Variants in PCNT observed in about 807,000 individuals in gnomAD.
PCNT encodes the protein pericentrin, also known as kendrin.
Under a neutral mutation model 380.4 loss-of-function variants are expected in PCNT, and 319 were observed. The observed-to-expected ratio is 0.84, with a 90% CI of 0.77 to 0.92. The LOEUF (loss-of-function observed/expected upper bound fraction) is 0.92, where lower values mean the gene tolerates loss of function less well. Among genes scored for constraint, PCNT ranks in the 40% least tolerant of loss-of-function variants. The probability of loss-of-function intolerance (pLI) is 0.00; values close to 1 mark genes in which losing one functional copy is unlikely to be tolerated. For synonymous variants in PCNT, 1,845 were observed against 1,735.2 expected (o/e 1.06, Z -1.57); for missense variants, 4,400 against 4,255.3 (o/e 1.03, Z -0.95).
chr21:46,353,006 G>A (rs550011510), intron 9 of PCNT, 98 bp from the exon 10 acceptor site: 98 of 983,184 alleles, frequency 1.0e-4, no homozygotes, highest in Admixed American at 2.5e-4. Flanking sequence ...CCTTTTCCGA[G>A]TTCTGCCCCC....
Position 46,363,509 on chromosome 21 carries a change from GA to G in PCNT, c.2186del (p.Lys729ArgfsTer3). ...AACACAATCTAATTGAAGACCACCA[GA>G]AGGAACTAAATAATGCTAAGCAAAA... Reference protein sequence around the residue: ...VKHNLIEDHQKELNNAKQKTE... With the variant: ...VKHNLIEDHQXELNNAKQKTE... On this transcript the variant is annotated frameshift_variant, in exon 14 of 47. Coordinates refer to ENST00000359568, the MANE Select transcript of PCNT (RefSeq NM_006031.6). LOFTEE classifies it high-confidence loss of function. The G allele has an allele frequency of 6.2e-7, 1 of 1,613,806 alleles. No homozygotes were observed. Among genetic ancestry groups the G allele is most frequent in the South Asian group, 1.1e-5 (1 of 91,056 alleles).
Position 46,401,477 on chromosome 21 carries a change from G to A in PCNT, c.4792-74G>A, listed in dbSNP as rs1034453363. On this transcript the variant is annotated intron_variant, in intron 25 of 46. Transcript: ENST00000359568. Reference sequence around the variant, plus strand: ...TCAGGTGCAGCTAAAGATGGTCTGTGCTTTAACAGGCAGCAGTTGAGGTAC... The same window carrying A: ...TCAGGTGCAGCTAAAGATGGTCTGTACTTTAACAGGCAGCAGTTGAGGTAC... The A allele has an allele frequency of 1.8e-5, 22 of 1,203,950 alleles. No individual in the cohort carries two copies. In the East Asian group the frequency reaches 4.9e-4, roughly 27 times the overall value. The allele number at this position is 1,203,950 out of a possible 1,614,324, so 74.6% of individuals were successfully genotyped here. A position where few individuals can be genotyped will look rare whatever the true frequency, so the allele number is the denominator to read the frequency against.
rs2085939397 is a variant in PCNT at position 46,388,997 on chromosome 21, C to T, written c.3607+113C>T. The T allele has an allele frequency of 8.2e-6, 12 of 1,461,360 alleles. No individual in the cohort carries two copies. The Admixed American group carries it at 2.2e-4, about 26-fold the overall frequency. The allele number at this position is 1,461,360 out of a possible 1,614,324, so 90.5% of individuals were successfully genotyped here. On this transcript the variant is annotated intron_variant, in intron 18 of 46. Transcript: ENST00000359568. The surrounding 1 kb of genome is among the most constrained non-coding windows in gnomAD (Gnocchi z 4.2). Reference sequence around the variant, plus strand: ...CGATGCCCTTGGGAGCACTGCCGTCCTGGTTTCCTGCTAGTTTCCGCACTT... The same window carrying T: ...CGATGCCCTTGGGAGCACTGCCGTCTTGGTTTCCTGCTAGTTTCCGCACTT...
At position 46,416,456 on chromosome 21, in the gene PCNT, CAAGAAA is replaced by C. The variant is rs1483521984; in HGVS notation, c.6541_6546del (p.Glu2181_Lys2182del). 6.2e-7 allele frequency: 1 copy of C among 1,614,036 alleles called. No individual in the cohort carries two copies. Among genetic ancestry groups the C allele is most frequent in the Non-Finnish European group, 8.5e-7 (1 of 1,180,016 alleles). On this transcript the variant is annotated inframe_deletion, in exon 30 of 47. Coordinates refer to ENST00000359568, the MANE Select transcript of PCNT (RefSeq NM_006031.6). ...AGATGAAATGCCAGATTCTCCCATT[CAAGAAA>C]AATCAGAATGTCAGGACATGTCTCT...
At position 46,431,533 on chromosome 21, in the gene PCNT, T is replaced by C; in HGVS notation, c.8069T>C (p.Leu2690Pro). The C allele has an allele frequency of 6.2e-7, 1 of 1,614,048 alleles. No individual in the cohort carries two copies. Among genetic ancestry groups the C allele is most frequent in the South Asian group, 1.1e-5 (1 of 91,086 alleles). The change falls in exon 38 of 47, where the codon CTG becomes CCG. Residue 2690 changes from leucine (L) to proline (P), a missense_variant. Leu to Pro is a moderately conservative substitution (Grantham distance 98, BLOSUM62 -3). Coordinates refer to ENST00000359568, the MANE Select transcript of PCNT (RefSeq NM_006031.6). The stretch of plus-strand genomic sequence containing the variant: ...TCGTATGTGTTTGCTGTCTAGGAGC[T>C]GCGGGCGTCTTTGGAGACACAGCGT... ...ESQSAKALEE[L>P]RASLETQRAQ...
chr21:46,412,799 T>C, intron 28 of PCNT, 38 bp from the exon 29 acceptor site: 2 of 1,605,372 alleles, frequency 1.2e-6, no homozygotes, highest in South Asian at 2.2e-5. Flanking sequence ...AGCAACAGCC[T>C]CCTGCATGCT....
rs148466753 is a variant in PCNT, at chr21:46,390,115, C to T, written c.3841-555C>T. ...CGTGGACGGCCTCATGGAGATGGCC[C>T]TGGACTCCAGCAGCCAGCCTGGGCA... On this transcript the variant is annotated intron_variant, in intron 19 of 46. Transcript: ENST00000359568. Among the ~76,000 whole-genome samples, 1,380 of 152,368 alleles carry T rather than the reference C, an allele frequency of 9.1e-3. 5 individuals are homozygous for T. The highest frequency in any genetic ancestry group is 0.015 in the Non-Finnish European group (1,045 of 68,032).
At chr21:46,371,734 C>G (rs1282665816) in intron 15 of PCNT, among the ~76,000 whole-genome samples, 1 of 152,232 alleles carries the variant, frequency 6.6e-6, no homozygotes, top group South Asian at 2.1e-4. Context: ...TGCACCTGCC[C>G]CATCCAGGCG....
chr21:46,362,763 C>T (rs1393793014), intron 13 of PCNT, among the ~76,000 whole-genome samples: 1 of 151,752 alleles, frequency 6.6e-6, no homozygotes, highest in African/African-American at 2.4e-5. Flanking sequence ...GGGCAACATG[C>T]AGAACCCTGT....
Position 46,425,307 on chromosome 21 carries a change from T to C in PCNT, c.7180-524T>C, listed in dbSNP as rs1440876943. Among the ~76,000 whole-genome samples, 1 of 152,186 alleles carries C rather than the reference T, an allele frequency of 6.6e-6. No individual in the cohort carries two copies. The highest frequency in any genetic ancestry group is 2.4e-5 in the African/African-American group (1 of 41,452). ...TGTGGGCAGGGCCTGCTGGGGATGG[T>C]TTTCTCTGCTCCCCGTGCCCAGCAC... On this transcript the variant is annotated intron_variant, in intron 32 of 46. Transcript: ENST00000359568. The surrounding 1 kb of genome is among the most constrained non-coding windows in gnomAD (Gnocchi z 4.2).
In PCNT at chr21:46,397,296, A is replaced by G. The variant is rs772298892; in HGVS notation, c.4248A>G (p.Lys1416=). The G allele has an allele frequency of 6.8e-6, 11 of 1,614,150 alleles. No homozygotes were observed. The East Asian group carries it at 2.2e-4, about 33-fold the overall frequency. Reference sequence around the variant, plus strand: ...GGAAGGAAGTGGAGGATCTGACCAAAGAACAGTCGGAGACCAGGAAGCAGG... The same window carrying G: ...GGAAGGAAGTGGAGGATCTGACCAAGGAACAGTCGGAGACCAGGAAGCAGG... The part of the protein sequence containing the change: ...ALRKEVEDLT[K]EQSETRKQAE... Residue 1416 remains lysine (K), a synonymous_variant, in exon 22 of 47, where the codon AAA becomes AAG. Coordinates refer to ENST00000359568, the MANE Select transcript of PCNT (RefSeq NM_006031.6).
At chr21:46,326,654 A>C in intron 2 of PCNT, 65 bp downstream of exon 2, 1 of 1,501,134 alleles carries the variant, frequency 6.7e-7, no homozygotes, top group East Asian at 2.3e-5. Context: ...AGTGTGATTT[A>C]CTAAAGATGG....
intron 15 of PCNT, among the ~76,000 whole-genome samples, 171 bp downstream of exon 15, chr21:46,367,310 CTTT>C (rs35676009): frequency 6.0e-5 from 8 of 132,708 alleles, no homozygotes; most frequent in Admixed American, 4.6e-4. Flanking sequence ...GTGAACTGGG[CTTT>C]TTTTTTTTTT....
Position 46,411,327 on chromosome 21 carries a change from G to A in PCNT, c.5254G>A (p.Glu1752Lys), listed in dbSNP as rs777218988. Reference protein sequence around the residue: ...LHEVIEKLQHELSLMGPVVHE... With the variant: ...LHEVIEKLQHKLSLMGPVVHE... ...TGAAGTCATTGAGAAGCTGCAGCACGAGCTGTCCCTCATGGGGCCTGTGGT... is the reference window on the plus strand; with the variant it reads ...TGAAGTCATTGAGAAGCTGCAGCACAAGCTGTCCCTCATGGGGCCTGTGGT... The change falls in exon 28 of 47, where the codon GAG becomes AAG. Residue 1752 changes from glutamate to lysine, a missense_variant. Physicochemically the swap from Glu to Lys is moderately conservative, Grantham distance 56. Transcript: ENST00000359568. The A allele has an allele frequency of 6.8e-6, 11 of 1,614,062 alleles. No homozygotes were observed. Among genetic ancestry groups the A allele is most frequent in the Admixed American group, 1.7e-5 (1 of 60,012 alleles).
chr21:46,363,020 G>A (rs2084774396), intron 13 of PCNT, among the ~76,000 whole-genome samples: 1 of 152,148 alleles, frequency 6.6e-6, no homozygotes, highest in African/African-American at 2.4e-5. Flanking sequence ...CGGGAGCATC[G>A]CACCATTGGC....
At position 46,354,082 on chromosome 21, in the gene PCNT, C is replaced by T. The variant is rs368329088; in HGVS notation, c.1761+14C>T. ...GAGCGACATAAGGTAATTGGCCGCGCGCTGAGAAGTGGGGGAGTCCTGTGC... is the reference window on the plus strand; with the variant it reads ...GAGCGACATAAGGTAATTGGCCGCGTGCTGAGAAGTGGGGGAGTCCTGTGC... On this transcript the variant is annotated intron_variant, in intron 11 of 46. Transcript: ENST00000359568. 206 of 1,610,830 alleles carry T rather than the reference C, an allele frequency of 1.3e-4. No homozygotes were observed. The African/African-American group carries it at 2.3e-3, about 18-fold the overall frequency.
chr21:46,413,145 C>T lies in PCNT; in HGVS notation c.6150+153C>T, dbSNP rs10222132. Among the ~76,000 whole-genome samples the T allele has an allele frequency of 1.4e-3, 164 of 117,172 alleles. 2 individuals carry two copies. The highest frequency in any genetic ancestry group is 0.014 in the Middle Eastern group (2 of 140). 76.9% of individuals were successfully genotyped at this position (117,172 alleles called of 152,430 possible). ...GAGCGGGGAAGGCACGAGGCCCACC[C>T]GGGAGAGGCTGGACACGCGGCAGCA... On this transcript the variant is annotated intron_variant, in intron 29 of 46. Transcript: ENST00000359568.
intron 21 of PCNT, among the ~76,000 whole-genome samples, chr21:46,395,270 A>G (rs1189343570): frequency 6.6e-6 from 1 of 152,208 alleles, no homozygotes; most frequent in Non-Finnish European, 1.5e-5. Context: ...ACATGTATGA[A>G]TTTAATATTT....
In PCNT at chr21:46,398,401, G is replaced by A. The variant is rs1051676024; in HGVS notation, c.4584+146G>A. 17 of 819,258 alleles carry A rather than the reference G, an allele frequency of 2.1e-5. No individual in the cohort carries two copies. In the East Asian group the frequency reaches 2.9e-4, roughly 14 times the overall value. 50.7% of individuals were successfully genotyped at this position (819,258 alleles called of 1,614,324 possible). A position where few individuals can be genotyped will look rare whatever the true frequency, so the allele number is the denominator to read the frequency against. On this transcript the variant is annotated intron_variant, in intron 24 of 46. Transcript: ENST00000359568. Reference sequence around the variant, plus strand: ...CTTTCTCTTGTCTGAGGAAGCTGTAGTAGGTTCGTTTATTTTTTTAAAAAA... The same window carrying A: ...CTTTCTCTTGTCTGAGGAAGCTGTAATAGGTTCGTTTATTTTTTTAAAAAA...
Sources: allele counts gnomAD v4.1 joint callset (sites outside exome capture counted in the v4.1 genomes callset), GRCh38; gene constraint gnomAD v4.1.1; non-coding constraint Gnocchi (gnomAD v3.1); transcripts MANE v1.5; gene names NCBI Gene and HGNC (gene_info 2026-07-23, HGNC 2026-07-21).